The following PRKAR2B variants were observed in gnomAD, a reference collection of about 807,000 sequenced individuals.
PRKAR2B encodes the protein protein kinase cAMP-dependent type II regulatory subunit beta, also known as cAMP-dependent protein kinase type II-beta regulatory subunit.
Under a neutral mutation model 49.9 loss-of-function variants are expected in PRKAR2B, and 14 were observed. That is an observed-to-expected ratio of 0.28 (90% CI 0.19 to 0.44). PRKAR2B has a LOEUF of 0.44. PRKAR2B is among the 20% of genes least tolerant of loss of function. The probability of loss-of-function intolerance (pLI) is 1.00; values close to 1 mark genes in which losing one functional copy is unlikely to be tolerated. For synonymous variants in PRKAR2B, 196 were observed against 197.7 expected (o/e 0.99, Z 0.07); for missense variants, 393 against 537.9 (o/e 0.73, Z 2.67).
intron 1 of PRKAR2B, among the ~76,000 whole-genome samples, chr7:107,069,267 A>C (rs1039165061): frequency 1.3e-5 from 2 of 152,206 alleles, no homozygotes; most frequent in Non-Finnish European, 2.9e-5. Flanking sequence ...CATGATTGTA[A>C]GGATTAATGC....
chr7:107,090,630 TTC>T (rs1405863820), intron 2 of PRKAR2B, among the ~76,000 whole-genome samples: 8 of 152,338 alleles, frequency 5.3e-5, no homozygotes, highest in Admixed American at 2.6e-4. Context: ...CTCGCTGAGC[TTC>T]CTTTCCAGCC....
In PRKAR2B at chr7:107,044,716, C is replaced by T. The variant is rs1793652045; in HGVS notation, c.-192C>T. On this transcript the variant is annotated 5_prime_UTR_variant, in exon 1 of 11. Transcript: ENST00000265717. ...CCCGGGGCCGCGCTCGCTCAGCCGC[C>T]GCCACCACACGGAGCAGACGCGCGC... 1.1e-5 allele frequency: 2 copies of T among 189,388 alleles called. No individual in the cohort carries two copies. Among genetic ancestry groups the T allele is most frequent in the Non-Finnish European group, 2.1e-5 (2 of 96,928 alleles). The allele number at this position is 189,388 out of a possible 1,614,324, so 11.7% of individuals were successfully genotyped here. A position where few individuals can be genotyped will look rare whatever the true frequency, so the allele number is the denominator to read the frequency against.
intron 2 of PRKAR2B, among the ~76,000 whole-genome samples, chr7:107,073,221 A>T (rs1455600073): frequency 7.2e-5 from 11 of 152,142 alleles, no homozygotes; most frequent in Non-Finnish European, 8.8e-5. Context: ...TTCTTTTGTT[A>T]TGAAGGTGAG....
chr7:107,063,390 G>C (rs1422022280), intron 1 of PRKAR2B, among the ~76,000 whole-genome samples: 1 of 151,984 alleles, frequency 6.6e-6, no homozygotes, highest in African/African-American at 2.4e-5. Flanking sequence ...AGCCAGCAGT[G>C]TTCTAAGCCT....
rs1425265125 is a variant in PRKAR2B at position 107,075,434 on chromosome 7, C to CT, written c.343+5119dup. ...TTTTTTTTTAAGACAGGATTTCACT[C>CT]TGTCACCCAGGCTGTAGTGCAGTGG... is the stretch of plus-strand genomic sequence containing the variant. On this transcript the variant is annotated intron_variant, in intron 2 of 10. Transcript: ENST00000265717. Among the ~76,000 whole-genome samples the CT allele has an allele frequency of 2.7e-5, 4 of 149,998 alleles. No homozygotes were observed. In the East Asian group the frequency reaches 7.9e-4, roughly 29 times the overall value.
intron 1 of PRKAR2B, among the ~76,000 whole-genome samples, chr7:107,047,763 A>G (rs1793726592): frequency 1.3e-5 from 2 of 152,180 alleles, no homozygotes; most frequent in Admixed American, 6.5e-5. Context: ...ATTTTCATAG[A>G]TATCTCAAGG....
intron 1 of PRKAR2B, among the ~76,000 whole-genome samples, chr7:107,062,729 C>T (rs1380210793): frequency 6.6e-6 from 1 of 151,802 alleles, no homozygotes; most frequent in African/African-American, 2.4e-5. Context: ...GAAATGTGGA[C>T]ACTCTTGAAA....
At chr7:107,107,422 T>C (rs878882289) in intron 2 of PRKAR2B, among the ~76,000 whole-genome samples, 1 of 152,062 alleles carries the variant, frequency 6.6e-6, no homozygotes, top group Admixed American at 6.5e-5. Context: ...TAAAGAAAAT[T>C]AGTTTCTTTT....
chr7:107,123,784 C>T (rs376993659), intron 3 of PRKAR2B, among the ~76,000 whole-genome samples: 59 of 152,206 alleles, frequency 3.9e-4, no homozygotes, highest in East Asian at 3.1e-3. Context: ...TAAGATCTGT[C>T]CCCTGTAACA....
intron 2 of PRKAR2B, among the ~76,000 whole-genome samples, chr7:107,074,327 C>T (rs540889809): frequency 9.9e-5 from 15 of 152,016 alleles, no homozygotes; most frequent in African/African-American, 3.6e-4. Context: ...TGGTCTCCAA[C>T]TCCTGACCTC....
intron 2 of PRKAR2B, among the ~76,000 whole-genome samples, chr7:107,093,146 A>C (rs771563911): frequency 1.3e-5 from 2 of 152,172 alleles, no homozygotes; most frequent in Non-Finnish European, 2.9e-5. Context: ...GGTTGCTTCT[A>C]CCTTTGGCTA....
At chr7:107,090,920 A>T (rs531116022) in intron 2 of PRKAR2B, among the ~76,000 whole-genome samples, 1 of 152,320 alleles carries the variant, frequency 6.6e-6, no homozygotes, top group South Asian at 2.1e-4. Context: ...CTAGCTACTA[A>T]AGGAAAAGGT....
At chr7:107,052,798 T>G (rs1235239483) in intron 1 of PRKAR2B, among the ~76,000 whole-genome samples, 1 of 152,222 alleles carries the variant, frequency 6.6e-6, no homozygotes, top group Non-Finnish European at 1.5e-5. Flanking sequence ...AATTAGCATT[T>G]CATGTACCTT....
intron 9 of PRKAR2B, 52 bp from the exon 10 acceptor site, chr7:107,157,134 T>C (rs1365913596): frequency 6.2e-7 from 1 of 1,606,702 alleles, no homozygotes; most frequent in Non-Finnish European, 8.5e-7. Flanking sequence ...CTGAGGTTAA[T>C]TTTATTTTTC....
chr7:107,056,337 T>A (rs1471150103), intron 1 of PRKAR2B, among the ~76,000 whole-genome samples: 3 of 152,222 alleles, frequency 2.0e-5, no homozygotes, highest in Non-Finnish European at 4.4e-5. Context: ...AAGTAGTTGT[T>A]TCGAATTCTG....
intron 2 of PRKAR2B, among the ~76,000 whole-genome samples, chr7:107,093,412 A>G (rs1794768822): frequency 6.6e-6 from 1 of 151,980 alleles, no homozygotes; most frequent in African/African-American, 2.4e-5. Flanking sequence ...AGCCAACCTA[A>G]TGGGTATGAA....
chr7:107,129,876 G>C (rs1461908728), intron 4 of PRKAR2B, among the ~76,000 whole-genome samples: 1 of 152,156 alleles, frequency 6.6e-6, no homozygotes, highest in Non-Finnish European at 1.5e-5. Flanking sequence ...ATGACCAGAG[G>C]TCACTCTCGT....
At chr7:107,075,720 C>T (rs1181492498) in intron 2 of PRKAR2B, among the ~76,000 whole-genome samples, 1 of 152,044 alleles carries the variant, frequency 6.6e-6, no homozygotes, top group Non-Finnish European at 1.5e-5. Flanking sequence ...AGAGTCTAGG[C>T]TTTTCAAAAC....
intron 5 of PRKAR2B, among the ~76,000 whole-genome samples, chr7:107,145,680 A>G (rs1795877673): frequency 6.6e-6 from 1 of 151,274 alleles, no homozygotes; most frequent in Admixed American, 6.6e-5. Flanking sequence ...TGGACTTCCA[A>G]ATTGCTGGAA....
Sources: gnomAD v4.1 joint callset for allele counts (sites outside exome capture counted in the v4.1 genomes callset) on GRCh38, gnomAD v4.1.1 for gene constraint, MANE v1.5 for transcripts, NCBI Gene and HGNC (gene_info 2026-07-23, HGNC 2026-07-21) for gene names.